The following ANKS1B variants were observed in gnomAD, a reference collection of about 807,000 sequenced individuals.
ANKS1B encodes ankyrin repeat and sterile alpha motif domain-containing protein 1B.
Under a neutral mutation model 148.3 loss-of-function variants are expected in ANKS1B, and 36 were observed. The ratio of observed to expected loss-of-function variants is 0.24; its 90% CI spans 0.19 to 0.32. ANKS1B has a LOEUF of 0.32. ANKS1B is among the 10% of genes least tolerant of loss of function. The pLI, the probability that ANKS1B is intolerant of heterozygous loss-of-function variation, is 1.00. For missense variants in ANKS1B, 1,157 were observed against 1,542.6 expected (o/e 0.75, Z 4.19); for synonymous variants, 542 against 560.8 (o/e 0.97, Z 0.47).
At chr12:99,189,330 C>T (rs1333462776) in intron 14 of ANKS1B, among the ~76,000 whole-genome samples, 3 of 152,168 alleles carry the variant, frequency 2.0e-5, no homozygotes, top group Non-Finnish European at 4.4e-5. Flanking sequence ...GGACTCCACC[C>T]TAACTCATTT....
chr12:98,982,344 CA>C (rs1361245122), intron 17 of ANKS1B, among the ~76,000 whole-genome samples: 1 of 151,900 alleles, frequency 6.6e-6, no homozygotes, highest in African/African-American at 2.4e-5. Flanking sequence ...TTCTGCTCTG[CA>C]GACTATCTTT....
chr12:99,824,251 C>T (rs1478336965), intron 2 of ANKS1B, among the ~76,000 whole-genome samples: 2 of 152,014 alleles, frequency 1.3e-5, no homozygotes, highest in Non-Finnish European at 1.5e-5. Context: ...AGCTCACAAT[C>T]GGCACTTTGG....
intron 17 of ANKS1B, among the ~76,000 whole-genome samples, chr12:98,949,014 G>A (rs1264079220): frequency 2.1e-5 from 3 of 141,208 alleles, no homozygotes; most frequent in African/African-American, 2.8e-5. Flanking sequence ...GTGCAGTGGC[G>A]TGATCTCGGC....
intron 1 of ANKS1B, among the ~76,000 whole-genome samples, chr12:99,950,972 T>C (rs1189730037): frequency 6.6e-6 from 1 of 152,212 alleles, no homozygotes; most frequent in African/African-American, 2.4e-5. Context: ...TTAGAATTTC[T>C]TCATTCTGTC....
At chr12:99,649,546 A>T in intron 9 of ANKS1B, 1 of 627,108 alleles carries the variant, frequency 1.6e-6, no homozygotes, top group South Asian at 2.0e-5. Context: ...TGTGGCTGCA[A>T]CCAAGTCTGC....
chr12:98,782,689 C>A (rs558828200), intron 22 of ANKS1B, among the ~76,000 whole-genome samples: 1 of 152,096 alleles, frequency 6.6e-6, no homozygotes, highest in Non-Finnish European at 1.5e-5. Context: ...AGAGTTACTA[C>A]GCCTGTTTCA....
chr12:99,666,942 A>G, intron 8 of ANKS1B, among the ~76,000 whole-genome samples: 1 of 151,840 alleles, frequency 6.6e-6, no homozygotes, highest in Admixed American at 6.6e-5. Context: ...TCAAGTATAC[A>G]ATGTGATGTT....
intron 14 of ANKS1B, among the ~76,000 whole-genome samples, chr12:99,197,527 A>T (rs1357446311): frequency 1.3e-5 from 2 of 152,182 alleles, no homozygotes; most frequent in African/African-American, 4.8e-5. Context: ...TGTGATTAAG[A>T]TTAAGGACTT....
rs774975842 is a variant in ANKS1B at position 99,648,662 on chromosome 12, T to C, written c.1272+6405A>G. On this transcript the variant is annotated intron_variant, in intron 9 of 26. Coordinates refer to ENST00000683438, the MANE Select transcript of ANKS1B (RefSeq NM_001352186.2). ...CCATCGGATGCAAGTGAAGACCTTT[T>C]TGTTCACTGGGAAAACCTTGTTTAC... 11 of 1,614,106 alleles carry C rather than the reference T, an allele frequency of 6.8e-6. No homozygotes were observed. The East Asian group carries it at 2.2e-4, about 33-fold the overall frequency.
At chr12:98,905,009 A>G (rs2099776986) in intron 17 of ANKS1B, among the ~76,000 whole-genome samples, 1 of 152,220 alleles carries the variant, frequency 6.6e-6, no homozygotes, top group Admixed American at 6.5e-5. Flanking sequence ...TCCTTAAATA[A>G]TTAGCAGTTA....
chr12:99,110,477 C>G lies in ANKS1B; in HGVS notation c.2527-25454G>C, dbSNP rs141629506. ...TGCTGTGGAGACAGAAGTGGTAGCACTGATTGGAGAATTATATTTTGAAGA... is the reference window on the plus strand; with the variant it reads ...TGCTGTGGAGACAGAAGTGGTAGCAGTGATTGGAGAATTATATTTTGAAGA... On this transcript the variant is annotated intron_variant, in intron 15 of 26. Transcript: ENST00000683438. 3.2e-4 allele frequency among the ~76,000 whole-genome samples: 48 copies of G among 152,272 alleles called. 1 individual carries two copies. Among genetic ancestry groups the G allele is most frequent in the African/African-American group, 1.2e-3 (48 of 41,552 alleles).
chr12:99,651,261 G>C (rs1416128979), intron 9 of ANKS1B, among the ~76,000 whole-genome samples: 2 of 152,042 alleles, frequency 1.3e-5, no homozygotes, highest in Non-Finnish European at 2.9e-5. Context: ...CATTTCACAG[G>C]TTAGATGTTC....
chr12:99,446,872 T>C (rs970032267), intron 10 of ANKS1B, among the ~76,000 whole-genome samples: 3 of 152,034 alleles, frequency 2.0e-5, no homozygotes, highest in Admixed American at 6.6e-5. Flanking sequence ...AGCTGGAAGA[T>C]ATGTTAAGAC....
intron 9 of ANKS1B, among the ~76,000 whole-genome samples, chr12:99,652,151 G>GACAC (rs140215168): frequency 6.7e-6 from 1 of 149,626 alleles, no homozygotes; most frequent in Admixed American, 6.7e-5. Context: ...AATATTCACA[G>GACAC]ACACACACAC....
In ANKS1B at chr12:98,744,647, T is replaced by C. The variant is rs914213820; in HGVS notation, c.*1092A>G. On this transcript the variant is annotated 3_prime_UTR_variant, in exon 27 of 27. Transcript: ENST00000683438. ...TAAGCAAACTTTTTTTTTGTTTGTCTCAAGAAAAGTTTTATTACTTTGGAA... is the reference window on the plus strand; with the variant it reads ...TAAGCAAACTTTTTTTTTGTTTGTCCCAAGAAAAGTTTTATTACTTTGGAA... 1 of 887,974 alleles carries C rather than the reference T, an allele frequency of 1.1e-6. No homozygotes were observed. Among genetic ancestry groups the C allele is most frequent in the Non-Finnish European group, 1.3e-6 (1 of 741,312 alleles). The allele number at this position is 887,974 out of a possible 1,614,324, so 55.0% of individuals were successfully genotyped here. A position where few individuals can be genotyped will look rare whatever the true frequency, so the allele number is the denominator to read the frequency against.
intron 12 of ANKS1B, among the ~76,000 whole-genome samples, chr12:99,378,354 A>C (rs1191795303): frequency 1.3e-5 from 2 of 152,114 alleles, no homozygotes; most frequent in African/African-American, 2.4e-5. Flanking sequence ...TGCTGAAAAC[A>C]CTGCCAGTTT....
chr12:99,288,240 C>T (rs1426949724), intron 12 of ANKS1B, among the ~76,000 whole-genome samples: 2 of 152,016 alleles, frequency 1.3e-5, no homozygotes, highest in South Asian at 4.2e-4. Flanking sequence ...GGAAGCCTTC[C>T]AGGCCAGGAG....
At position 98,751,336 on chromosome 12, in the gene ANKS1B, CTG is replaced by C. The variant is rs1482583470; in HGVS notation, c.3747+17_3747+18del. ...TCCTGTTCAAGGTTTTTTAGAACAT[CTG>C]TATCGTTTCTACTTACCACGGACTT... On this transcript the variant is annotated intron_variant, in intron 26 of 26. Transcript: ENST00000683438. This position sits in a 1 kb window ranked among gnomAD's most constrained non-coding sequence, Gnocchi z 4.3. 2 of 1,612,028 alleles carry C rather than the reference CTG, an allele frequency of 1.2e-6. No homozygotes were observed. Among genetic ancestry groups the C allele is most frequent in the East Asian group, 4.5e-5 (2 of 44,900 alleles).
intron 8 of ANKS1B, among the ~76,000 whole-genome samples, chr12:99,766,652 C>CA (rs1378291172): frequency 3.9e-5 from 6 of 152,094 alleles, no homozygotes; most frequent in African/African-American, 1.4e-4. Flanking sequence ...TCACCACATC[C>CA]AAAAGGTCTG....
Sources: allele counts gnomAD v4.1 joint callset (sites outside exome capture counted in the v4.1 genomes callset), GRCh38; gene constraint gnomAD v4.1.1; non-coding constraint Gnocchi (gnomAD v3.1); transcripts MANE v1.5; gene names NCBI Gene and HGNC (gene_info 2026-07-23, HGNC 2026-07-21).